PCDH15: variants seen among roughly 807,000 people sequenced by gnomAD.
PCDH15 encodes protocadherin-15.
Under a neutral mutation model 178.5 loss-of-function variants are expected in PCDH15, and 129 were observed. The ratio of observed to expected loss-of-function variants is 0.72; its 90% CI spans 0.63 to 0.84. The LOEUF (loss-of-function observed/expected upper bound fraction) is 0.84. Ranked by LOEUF, PCDH15 falls within the 40% of genes least tolerant of loss-of-function variation. The probability of loss-of-function intolerance (pLI) is 0.00; values close to 1 mark genes in which losing one functional copy is unlikely to be tolerated. For synonymous variants in PCDH15, 800 were observed against 732.0 expected, an observed-to-expected ratio of 1.09 and a Z score of -1.50; for missense variants, 2,230 against 2,099.9, an observed-to-expected ratio of 1.06 and a Z score of -1.21.
intron 2 of PCDH15, among the ~76,000 whole-genome samples, chr10:55,391,392 C>A (rs1297672971): frequency 6.6e-6 from 1 of 151,988 alleles, no homozygotes; most frequent in African/African-American, 2.4e-5. Context: ...TTGGTTTGAT[C>A]TTCTGTTCGG....
chr10:54,148,637 A>G (rs2044218958), intron 14 of PCDH15, among the ~76,000 whole-genome samples: 1 of 152,072 alleles, frequency 6.6e-6, no homozygotes, highest in South Asian at 2.1e-4. Flanking sequence ...GCCACATCCA[A>G]CTAAATGTGT....
At chr10:54,777,943 CAGA>C (rs907747091) in intron 1 of PCDH15, among the ~76,000 whole-genome samples, 1 of 152,024 alleles carries the variant, frequency 6.6e-6, no homozygotes, top group Admixed American at 6.6e-5. Flanking sequence ...GAAGTCAGTT[CAGA>C]AGATCAGTAG....
chr10:54,664,566 A>G (rs2094541305), intron 1 of PCDH15, among the ~76,000 whole-genome samples: 1 of 152,070 alleles, frequency 6.6e-6, no homozygotes, highest in South Asian at 2.1e-4. Flanking sequence ...TATCAGAAGC[A>G]CACTCTTTAA....
intron 2 of PCDH15, among the ~76,000 whole-genome samples, chr10:55,394,703 A>G (rs1440618960): frequency 1.3e-5 from 2 of 152,100 alleles, no homozygotes; most frequent in African/African-American, 4.8e-5. Flanking sequence ...AAAAAACTTT[A>G]AAGAGAAAGA....
intron 9 of PCDH15, among the ~76,000 whole-genome samples, chr10:54,216,156 T>A (rs1204619465): frequency 6.6e-6 from 1 of 150,508 alleles, no homozygotes; most frequent in Non-Finnish European, 1.5e-5. Context: ...CAGTGAGGGA[T>A]TTAAAAAGTG....
intron 2 of PCDH15, among the ~76,000 whole-genome samples, chr10:54,641,582 CCACACACACA>C (rs57194998): frequency 0.049 from 7,282 of 148,748 alleles, 411 homozygotes; most frequent in African/African-American, 0.14. Context: ...TATGCAAACA[CCACACACACA>C]CACACACACA....
intron 18 of PCDH15, among the ~76,000 whole-genome samples, chr10:54,064,818 A>C (rs1218985226): frequency 1.3e-5 from 2 of 152,186 alleles, no homozygotes; most frequent in African/African-American, 4.8e-5. Flanking sequence ...CTGTGGGGGC[A>C]GGGGAGCTTC....
chr10:55,213,823 A>C (rs1378373823), intron 1 of PCDH15, among the ~76,000 whole-genome samples: 2 of 151,510 alleles, frequency 1.3e-5, no homozygotes, highest in Non-Finnish European at 2.9e-5. Flanking sequence ...CTTCTTTCTT[A>C]TTTCTTCCAG....
chr10:54,137,922 C>T (rs558198964), intron 14 of PCDH15, among the ~76,000 whole-genome samples: 2 of 152,202 alleles, frequency 1.3e-5, no homozygotes, highest in East Asian at 3.9e-4. Context: ...TAGAAGGCCT[C>T]CTAAGCAGTT....
intron 8 of PCDH15, among the ~76,000 whole-genome samples, chr10:54,254,946 C>T (rs571642259): frequency 7.2e-5 from 11 of 152,182 alleles, no homozygotes; most frequent in South Asian, 6.2e-4. Context: ...GCATTGGCAA[C>T]AATTTATGTC....
chr10:55,341,046 A>C (rs1844543120), intron 2 of PCDH15, among the ~76,000 whole-genome samples: 1 of 151,802 alleles, frequency 6.6e-6, no homozygotes, highest in Non-Finnish European at 1.5e-5. Flanking sequence ...ATTCACCTTC[A>C]ATTTTTTAAA....
intron 3 of PCDH15, among the ~76,000 whole-genome samples, chr10:54,392,878 G>A (rs1186928988): frequency 5.6e-5 from 8 of 141,926 alleles, no homozygotes; most frequent in Admixed American, 4.4e-4. Flanking sequence ...CAGTCTGGGC[G>A]ACAGAGCAAG....
chr10:54,313,636 TTAAACTGTC>T lies in PCDH15; in HGVS notation c.876+3626_876+3634del, dbSNP rs1434543200. Among the ~76,000 whole-genome samples, 4 of 151,832 alleles carry T rather than the reference TTAAACTGTC, an allele frequency of 2.6e-5. No individual in the cohort carries two copies. The East Asian group carries it at 7.7e-4, about 29-fold the overall frequency. Reference sequence around the variant, plus strand: ...CTCTTCCTAAATTGTATCTATATACTTAAACTGTCTACCAGAAACGTTTTTGTGTATATT... The same window carrying T: ...CTCTTCCTAAATTGTATCTATATACTTACCAGAAACGTTTTTGTGTATATT... On this transcript the variant is annotated intron_variant, in intron 8 of 37. Coordinates refer to ENST00000644397, the MANE Select transcript of PCDH15 (RefSeq NM_001384140.1).
intron 2 of PCDH15, among the ~76,000 whole-genome samples, chr10:54,961,690 G>T (rs888804619): frequency 1.3e-5 from 2 of 152,140 alleles, no homozygotes; most frequent in Admixed American, 1.3e-4. Flanking sequence ...ACAACTGCCT[G>T]CAGTTAGAAG....
At chr10:55,120,853 G>A (rs1031223724) in intron 2 of PCDH15, among the ~76,000 whole-genome samples, 2 of 152,146 alleles carry the variant, frequency 1.3e-5, no homozygotes, top group Non-Finnish European at 2.9e-5. Context: ...TGCCAACTCT[G>A]TAGGTGCATA....
At chr10:55,011,039 G>A (rs1328099237) in intron 2 of PCDH15, among the ~76,000 whole-genome samples, 1 of 151,920 alleles carries the variant, frequency 6.6e-6, no homozygotes, top group Admixed American at 6.6e-5. Context: ...TTTTGAAGAG[G>A]AATAACTGAA....
At chr10:55,271,681 C>T (rs1054221175) in intron 1 of PCDH15, among the ~76,000 whole-genome samples, 2 of 152,038 alleles carry the variant, frequency 1.3e-5, no homozygotes, top group African/African-American at 2.4e-5. Context: ...TACTCATCAG[C>T]ATTGTCCTCT....
chr10:54,406,160 T>A, intron 3 of PCDH15, among the ~76,000 whole-genome samples: 1 of 152,138 alleles, frequency 6.6e-6, no homozygotes, highest in East Asian at 1.9e-4. Flanking sequence ...TATGTCTTTT[T>A]GTTTTTTATG....
chr10:53,952,076 G>T (rs1216448232), intron 23 of PCDH15, among the ~76,000 whole-genome samples: 1 of 152,224 alleles, frequency 6.6e-6, no homozygotes, highest in Non-Finnish European at 1.5e-5. Context: ...CCCAAAGACG[G>T]TGTCATAGCC....
Sources: allele counts gnomAD v4.1 joint callset (sites outside exome capture counted in the v4.1 genomes callset), GRCh38; gene constraint gnomAD v4.1.1; transcripts MANE v1.5; gene names NCBI Gene and HGNC (gene_info 2026-07-23, HGNC 2026-07-21).